Variants in UACA observed in about 807,000 individuals in gnomAD.
The protein encoded by UACA is nuclear membrane binding protein.
A neutral mutation model predicts 160.5 loss-of-function variants in UACA; 112 were observed. The observed-to-expected ratio is 0.70, with a 90% CI of 0.60 to 0.82. The LOEUF (loss-of-function observed/expected upper bound fraction) is 0.82, where lower values mean the gene tolerates loss of function less well. Among genes scored for constraint, UACA ranks in the 40% least tolerant of loss-of-function variants. The probability of loss-of-function intolerance (pLI) is 0.00; values close to 1 mark genes in which losing one functional copy is unlikely to be tolerated. For synonymous variants in UACA, 557 were observed against 568.4 expected (o/e 0.98, Z 0.29); for missense variants, 1,574 against 1,614.6 (o/e 0.97, Z 0.43).
upstream of UACA, among the ~76,000 whole-genome samples, chr15:70,764,512 C>G (rs528952622): frequency 1.5e-4 from 23 of 152,282 alleles, no homozygotes; most frequent in African/African-American, 5.5e-4. Flanking sequence ...AAACGTTTAT[C>G]GTAGCATGCA....
intron 9 of UACA, 37 bp from the exon 10 acceptor site, chr15:70,679,713 G>A: frequency 7.3e-7 from 1 of 1,376,212 alleles, no homozygotes; most frequent in Non-Finnish European, 1.0e-6. Context: ...GTCAGCAAGT[G>A]TAAGAATACA....
rs1318616573 is a variant in UACA at position 70,666,797 on chromosome 15, G to C, written c.3887C>G (p.Ser1296Cys). The change falls in exon 16 of 19, where the codon TCC becomes TGC. Residue 1296 changes from serine (S) to cysteine (C), a missense_variant. Physicochemically the swap from Ser to Cys is moderately radical, Grantham distance 112 (BLOSUM62 -1). Transcript: ENST00000322954. ...IKDQKERCDK[S>C]LTTITELQRR... Reference sequence around the variant, plus strand: ...TTGTAACTCTGTGATTGTTGTTAAGGACTTATCACATCGTTCCTTCTGATC... The same window carrying C: ...TTGTAACTCTGTGATTGTTGTTAAGCACTTATCACATCGTTCCTTCTGATC... 6.2e-7 allele frequency: 1 copy of C among 1,613,214 alleles called. No individual in the cohort carries two copies. Among genetic ancestry groups the C allele is most frequent in the African/African-American group, 1.3e-5 (1 of 74,868 alleles).
rs757668755 is a variant in UACA, at chr15:70,671,024, A to C, written c.1221+15T>G. ...TTAAATGTTTTTTAAAATTAAAAAA[A>C]AAAACAGTTATTACCTGTGAGTCTG... On this transcript the variant is annotated intron_variant, in intron 15 of 18. Coordinates refer to ENST00000322954, the MANE Select transcript of UACA (RefSeq NM_018003.4). 2.6e-6 allele frequency: 4 copies of C among 1,516,188 alleles called. 1 individual carries two copies. Among genetic ancestry groups the C allele is most frequent in the Admixed American group, 4.5e-5 (2 of 44,452 alleles). 93.9% of individuals were successfully genotyped at this position (1,516,188 alleles called of 1,614,324 possible). A position where few individuals can be genotyped will look rare whatever the true frequency, so the allele number is the denominator to read the frequency against.
At chr15:70,703,217 C>G in intron 1 of UACA, 1 of 1,288,786 alleles carries the variant, frequency 7.8e-7, no homozygotes, top group Non-Finnish European at 1.0e-6. Context: ...CTCATTACCA[C>G]AATAGCATGA....
At chr15:70,702,196 G>T in intron 1 of UACA, 1 of 1,159,742 alleles carries the variant, frequency 8.6e-7, no homozygotes, top group South Asian at 3.3e-5. Flanking sequence ...CTTATTCTTT[G>T]GAAGCTAGCT....
intron 14 of UACA, 45 bp from the exon 15 acceptor site, chr15:70,671,136 C>A: frequency 7.9e-7 from 1 of 1,269,106 alleles, no homozygotes; most frequent in South Asian, 1.3e-5. Context: ...AATATCCATA[C>A]TAAAGTAGGC....
intron 13 of UACA, among the ~76,000 whole-genome samples, chr15:70,672,463 G>A (rs72755481): frequency 0.097 from 14,780 of 152,008 alleles, 1,162 homozygotes; most frequent in East Asian, 0.39. Flanking sequence ...AAAATACCAA[G>A]TACTTTGAAA....
intron 1 of UACA, among the ~76,000 whole-genome samples, chr15:70,704,154 T>C (rs1898458035): frequency 1.3e-5 from 2 of 152,220 alleles, no homozygotes; most frequent in South Asian, 4.1e-4. Flanking sequence ...TTTCAATAAG[T>C]AACTTGGTAG....
chr15:70,682,927 T>A (rs927119848), intron 8 of UACA, 132 bp from the exon 9 acceptor site: 3 of 481,622 alleles, frequency 6.2e-6, no homozygotes, highest in Admixed American at 4.2e-5. Flanking sequence ...TTACAACTTT[T>A]TAGTTTTATT....
chr15:70,754,107 A>C, intron 1 of UACA: 1 of 455,748 alleles, frequency 2.2e-6, no homozygotes, highest in South Asian at 1.5e-5. Context: ...CGCCCAGCCT[A>C]TATTTGGTTT....
intron 1 of UACA, among the ~76,000 whole-genome samples, chr15:70,725,898 G>A (rs1899129447): frequency 6.6e-6 from 1 of 152,120 alleles, no homozygotes; most frequent in Non-Finnish European, 1.5e-5. Context: ...GATAAACACT[G>A]AGGTGATGGA....
intron 18 of UACA, among the ~76,000 whole-genome samples, chr15:70,659,395 G>GTTTTTTTTTTTTTTT (rs71152307): frequency 0.031 from 580 of 18,838 alleles, 254 homozygotes; most frequent in East Asian, 0.073. Flanking sequence ...TTTTTTGTTT[G>GTTTTTTTTTTTTTTT]TTTTTTTTTT....
chr15:70,690,757 G>A (rs549271241), intron 4 of UACA, among the ~76,000 whole-genome samples: 2 of 151,852 alleles, frequency 1.3e-5, no homozygotes, highest in Admixed American at 6.6e-5. Flanking sequence ...TGAAATACAG[G>A]AAAATATGTA....
chr15:70,669,051 G>T lies in UACA; in HGVS notation c.1633C>A (p.Gln545Lys). ...NHRLTEELKDQLKDLKVKYEG... is the reference protein window; with the variant it reads ...NHRLTEELKDKLKDLKVKYEG... Reference sequence around the variant, plus strand: ...TATTTTACTTTCAAGTCTTTCAACTGATCCTTCAGTTCCTCGGTTAGTCTG... The same window carrying T: ...TATTTTACTTTCAAGTCTTTCAACTTATCCTTCAGTTCCTCGGTTAGTCTG... The change falls in exon 16 of 19, where the codon CAG becomes AAG. Residue 545 changes from glutamine to lysine, a missense_variant. Physicochemically the swap from Gln to Lys is moderately conservative, Grantham distance 53. Coordinates refer to ENST00000322954, the MANE Select transcript of UACA (RefSeq NM_018003.4). 1 of 1,613,952 alleles carries T rather than the reference G, an allele frequency of 6.2e-7. No individual in the cohort carries two copies. Among genetic ancestry groups the T allele is most frequent in the South Asian group, 1.1e-5 (1 of 91,060 alleles).
rs1325480584 is a variant in UACA, at chr15:70,671,971, T to A, written c.1162A>T (p.Ser388Cys). 2 of 1,596,174 alleles carry A rather than the reference T, an allele frequency of 1.3e-6. No homozygotes were observed. Among genetic ancestry groups the A allele is most frequent in the African/African-American group, 2.7e-5 (2 of 74,426 alleles). ...TCCATACTTTTATACTTACGGTTACTGAAATGACTTCCTGATCCTAAATGA... is the reference window on the plus strand; with the variant it reads ...TCCATACTTTTATACTTACGGTTACAGAAATGACTTCCTGATCCTAAATGA... ...SDHLGSGSHF[S>C]NRKEDMLLKQ... The change falls in exon 14 of 19, where the codon AGT (serine) becomes TGT (cysteine). Residue 388 changes from serine to cysteine, a missense_variant. Transcript: ENST00000322954.
intron 1 of UACA, among the ~76,000 whole-genome samples, chr15:70,704,239 TAA>T (rs1046413649): frequency 3.3e-5 from 5 of 152,214 alleles, no homozygotes; most frequent in Non-Finnish European, 5.9e-5. Flanking sequence ...CCTCTTGGAC[TAA>T]ATTGTTAAAT....
the UACA span, among the ~76,000 whole-genome samples, chr15:70,772,515 A>AAAG: frequency 6.7e-6 from 1 of 149,428 alleles, no homozygotes; most frequent in Non-Finnish European, 1.5e-5. Flanking sequence ...AAAAAAAAAA[A>AAAG]AAGAATCTAG....
intron 1 of UACA, among the ~76,000 whole-genome samples, chr15:70,713,287 G>A (rs1898738634): frequency 6.6e-6 from 1 of 152,244 alleles, no homozygotes; most frequent in African/African-American, 2.4e-5. Context: ...GGCAGAGCCT[G>A]CAGTGAGCCG....
intron 1 of UACA, among the ~76,000 whole-genome samples, chr15:70,710,151 A>G (rs1209114536): frequency 6.6e-6 from 1 of 152,164 alleles, no homozygotes; most frequent in Non-Finnish European, 1.5e-5. Context: ...ACTATTTGGG[A>G]GGCTGAGGTG....
Sources: gnomAD v4.1 joint callset for allele counts (sites outside exome capture counted in the v4.1 genomes callset) on GRCh38, gnomAD v4.1.1 for gene constraint, MANE v1.5 for transcripts, NCBI Gene and HGNC (gene_info 2026-07-23, HGNC 2026-07-21) for gene names.